SLAIN1: variants seen among roughly 807,000 people sequenced by gnomAD.
The protein encoded by SLAIN1 is SLAIN family member 1, also known as SLAIN motif-containing protein 1.
Under a neutral mutation model 55.4 loss-of-function variants are expected in SLAIN1, and 17 were observed. The observed-to-expected ratio is 0.31, with a 90% CI of 0.21 to 0.46. The LOEUF is 0.46. Among genes scored for constraint, SLAIN1 ranks in the 20% least tolerant of loss-of-function variants. The probability of loss-of-function intolerance (pLI) is 1.00; values close to 1 mark genes in which losing one functional copy is unlikely to be tolerated. For missense variants in SLAIN1, 682 were observed against 785.1 expected (o/e 0.87, Z 1.57); for synonymous variants, 348 against 337.4 (o/e 1.03, Z -0.35).
At position 77,698,224 on chromosome 13, in the gene SLAIN1, C is replaced by CG; in HGVS notation, c.317dup (p.Gly107ArgfsTer6). The stretch of plus-strand genomic sequence containing the variant: ...CTGGGGCTCGGGCTGGCGCTGGGCG[C>CG]GGGGGGCGGTGGCGGCAGCGGTAGT... On this transcript the variant is annotated frameshift_variant, in exon 1 of 7. Transcript: ENST00000418532. LOFTEE classifies it high-confidence loss of function. This position sits in a 1 kb window ranked among gnomAD's most constrained non-coding sequence, Gnocchi z 4.1. 6.1e-6 allele frequency: 8 copies of CG among 1,314,462 alleles called. No homozygotes were observed. Among genetic ancestry groups the CG allele is most frequent in the Middle Eastern group, 2.9e-4 (1 of 3,474 alleles). 81.4% of individuals were successfully genotyped at this position (1,314,462 alleles called of 1,614,324 possible).
At chr13:77,733,729 A>C (rs1257938634) in intron 2 of SLAIN1, among the ~76,000 whole-genome samples, 1 of 152,176 alleles carries the variant, frequency 6.6e-6, no homozygotes, top group Non-Finnish European at 1.5e-5. Context: ...TATTTCATGC[A>C]TGTCTGGGAA....
intron 2 of SLAIN1, among the ~76,000 whole-genome samples, chr13:77,731,298 T>G (rs984278057): frequency 2.0e-5 from 3 of 152,194 alleles, no homozygotes; most frequent in African/African-American, 4.8e-5. Context: ...ATAAGTAATA[T>G]TGGATGCTAG....
chr13:77,733,902 G>C (rs1466289452), intron 2 of SLAIN1, among the ~76,000 whole-genome samples: 1 of 152,122 alleles, frequency 6.6e-6, no homozygotes, highest in African/African-American at 2.4e-5. Flanking sequence ...TGCTCCAGAA[G>C]GGTTGCTCAG....
At chr13:77,743,533 C>G (rs1277611584) in intron 2 of SLAIN1, 1 of 154,766 alleles carries the variant, frequency 6.5e-6, no homozygotes, top group African/African-American at 2.4e-5. Flanking sequence ...TTAAATTTAG[C>G]TAAGGCTGTG....
intron 1 of SLAIN1, among the ~76,000 whole-genome samples, chr13:77,702,409 G>A (rs1255541376): frequency 6.6e-6 from 1 of 152,130 alleles, no homozygotes; most frequent in African/African-American, 2.4e-5. Context: ...GGGACACAGT[G>A]TGATTGGATG....
Position 77,698,184 on chromosome 13 carries a change from G to A in SLAIN1, c.271G>A (p.Ala91Thr). 1 of 1,192,136 alleles carries A rather than the reference G, an allele frequency of 8.4e-7. No individual in the cohort carries two copies. The highest frequency in any genetic ancestry group is 1.0e-6 in the Non-Finnish European group (1 of 963,802). 73.8% of individuals were successfully genotyped at this position (1,192,136 alleles called of 1,614,324 possible). Reference sequence around the variant, plus strand: ...CCCCCCGGCCGCCACGGCCACCGCCGCGGCCTCAGGGGGCCTGGGGCTCGG... The same window carrying A: ...CCCCCCGGCCGCCACGGCCACCGCCACGGCCTCAGGGGGCCTGGGGCTCGG... ...RSPPAATATA[A>T]ASGGLGLGLA... The change falls in exon 1 of 7, where the codon GCG (alanine) becomes ACG (threonine). Residue 91 changes from alanine to threonine, a missense_variant. Ala to Thr is a moderately conservative substitution (Grantham distance 58). Coordinates refer to ENST00000418532, the MANE Select transcript of SLAIN1 (RefSeq NM_001242868.2). This position sits in a 1 kb window ranked among gnomAD's most constrained non-coding sequence, Gnocchi z 4.1.
chr13:77,712,927 T>C (rs138511271), intron 1 of SLAIN1, among the ~76,000 whole-genome samples: 32 of 152,132 alleles, frequency 2.1e-4, no homozygotes, highest in African/African-American at 7.7e-4. Context: ...CCATCTGATC[T>C]TTGACAAACC....
rs935773 is a variant in SLAIN1, at chr13:77,698,550, G to A, written c.626+11G>A. The A allele has an allele frequency of 2.1e-6, 3 of 1,415,820 alleles. No individual in the cohort carries two copies. The highest frequency in any genetic ancestry group is 5.6e-5 in the East Asian group (2 of 35,486). The allele number at this position is 1,415,820 out of a possible 1,614,324, so 87.7% of individuals were successfully genotyped here. On this transcript the variant is annotated intron_variant, in intron 1 of 6. Transcript: ENST00000418532. The surrounding 1 kb of genome is among the most constrained non-coding windows in gnomAD (Gnocchi z 4.1). ...GGACGACTACACCTGGTACTGCCTG[G>A]CTCCGCTCCTTCCCCGAGACCCTGG...
chr13:77,758,781 C>T (rs763130891), intron 5 of SLAIN1, among the ~76,000 whole-genome samples: 15 of 152,094 alleles, frequency 9.9e-5, no homozygotes, highest in African/African-American at 1.2e-4. Context: ...TTCAATTGGT[C>T]GATATGCCTA....
At chr13:77,742,444 CT>C (rs2154410351) in intron 2 of SLAIN1, among the ~76,000 whole-genome samples, 1 of 151,870 alleles carries the variant, frequency 6.6e-6, no homozygotes, top group African/African-American at 2.4e-5. Flanking sequence ...ACTGTTTTTC[CT>C]TTAAACCTTG....
At chr13:77,753,533 TTTTACTATTCAAATAGTATA>T (rs1247586972) in intron 5 of SLAIN1, among the ~76,000 whole-genome samples, 175 bp downstream of exon 5, 95 of 152,292 alleles carry the variant, frequency 6.2e-4, no homozygotes, top group African/African-American at 2.2e-3. Context: ...TGAATAGTAT[TTTTACTATTCAAATAGTATA>T]TTTACTATTC....
chr13:77,708,097 C>T (rs1466195726), intron 1 of SLAIN1, among the ~76,000 whole-genome samples: 1 of 152,124 alleles, frequency 6.6e-6, no homozygotes, highest in Non-Finnish European at 1.5e-5. Flanking sequence ...AGAGAAATCT[C>T]CATAAGTGAA....
intron 1 of SLAIN1, among the ~76,000 whole-genome samples, chr13:77,710,243 G>A (rs532508650): frequency 5.9e-5 from 9 of 152,126 alleles, no homozygotes; most frequent in East Asian, 1.9e-4. Context: ...AACCTTAAAC[G>A]TAAATGGGAT....
rs566939690 is a variant in SLAIN1 at position 77,744,327 on chromosome 13, G to A, written c.811G>A (p.Asp271Asn). ...GSPLSPQSSIDSELSTSELED... is the reference protein window; with the variant it reads ...GSPLSPQSSINSELSTSELED... ...CCCACTCAGTCCCCAGTCATCTATC[G>A]ACAGTGAGCTGAGTACTTCAGAATT... is the stretch of plus-strand genomic sequence containing the variant. Residue 271 changes from aspartate (D) to asparagine (N), a missense_variant, in exon 3 of 7, where the codon GAC (aspartate) becomes AAC (asparagine). Around this residue, in one of 3 missense-constraint regions of SLAIN1, gnomAD observed 401 missense variants for 417.3 expected, o/e 0.96. Transcript: ENST00000418532. 6 of 1,612,802 alleles carry A rather than the reference G, an allele frequency of 3.7e-6. No homozygotes were observed. The highest frequency in any genetic ancestry group is 2.7e-5 in the African/African-American group (2 of 74,922).
Position 77,698,131 on chromosome 13 carries a change from C to CCG in SLAIN1, c.218_219insCG (p.Gly74ValfsTer126), listed in dbSNP as rs1566214378. 1 of 630,954 alleles carries CCG rather than the reference C, an allele frequency of 1.6e-6. No homozygotes were observed. Among genetic ancestry groups the CCG allele is most frequent in the Non-Finnish European group, 1.8e-6 (1 of 558,302 alleles). The allele number at this position is 630,954 out of a possible 1,614,324, so 39.1% of individuals were successfully genotyped here. ...CCGCCGCCCGCCGCGCCGCCCCCCG[C>CCG]TGGCCTGCAGCCTTTGGGTCCTCGG... On this transcript the variant is annotated frameshift_variant, in exon 1 of 7. Coordinates refer to ENST00000418532, the MANE Select transcript of SLAIN1 (RefSeq NM_001242868.2). LOFTEE classifies it high-confidence loss of function. This position sits in a 1 kb window ranked among gnomAD's most constrained non-coding sequence, Gnocchi z 4.1.
At chr13:77,761,875 G>A (rs138796567) in intron 6 of SLAIN1, among the ~76,000 whole-genome samples, 2 of 152,252 alleles carry the variant, frequency 1.3e-5, no homozygotes, top group African/African-American at 4.8e-5. Flanking sequence ...GAGATTGGTA[G>A]ATGAGGAAAT....
intron 2 of SLAIN1, among the ~76,000 whole-genome samples, chr13:77,737,673 T>C (rs1873189535): frequency 6.6e-6 from 1 of 152,122 alleles, no homozygotes; most frequent in South Asian, 2.1e-4. Flanking sequence ...GATAAGCTCC[T>C]CAACCTTCAA....
At chr13:77,724,345 A>C (rs1390708799) in intron 2 of SLAIN1, among the ~76,000 whole-genome samples, 1 of 152,118 alleles carries the variant, frequency 6.6e-6, no homozygotes, top group African/African-American at 2.4e-5. Context: ...GAACCTTGCT[A>C]GGTCCTTATT....
chr13:77,698,842 C>T lies in SLAIN1; in HGVS notation c.626+303C>T, dbSNP rs1208298896. The T allele has an allele frequency of 1.3e-6, 2 of 1,487,598 alleles. No individual in the cohort carries two copies. The highest frequency in any genetic ancestry group is 1.4e-5 in the African/African-American group (1 of 71,980). 92.1% of individuals were successfully genotyped at this position (1,487,598 alleles called of 1,614,324 possible). On this transcript the variant is annotated intron_variant, in intron 1 of 6. Transcript: ENST00000418532. This position sits in a 1 kb window ranked among gnomAD's most constrained non-coding sequence, Gnocchi z 4.1. Reference sequence around the variant, plus strand: ...TGTTGGGTCCCAAGCTCCTCGTTAGCATTAAGTGCAAAATCCATGTCATCT... The same window carrying T: ...TGTTGGGTCCCAAGCTCCTCGTTAGTATTAAGTGCAAAATCCATGTCATCT...
Sources: gnomAD v4.1 joint callset for allele counts (sites outside exome capture counted in the v4.1 genomes callset) on GRCh38, gnomAD v4.1.1 for gene constraint, gnomAD v4.1.1 regional missense constraint, Gnocchi (gnomAD v3.1) non-coding constraint, MANE v1.5 for transcripts, NCBI Gene and HGNC (gene_info 2026-07-23, HGNC 2026-07-21) for gene names.